The following ZNF571 variants were observed in gnomAD, a reference collection of about 807,000 sequenced individuals.
The protein encoded by ZNF571 is zinc finger protein 571.
A neutral mutation model predicts 7.7 loss-of-function variants in ZNF571; 4 were observed. The ratio of observed to expected loss-of-function variants is 0.52; its 90% CI spans 0.25 to 1.18. The LOEUF (loss-of-function observed/expected upper bound fraction) is 1.18, where lower values mean the gene tolerates loss of function less well. ZNF571 is among the 50% of genes most tolerant of loss of function. The probability of loss-of-function intolerance (pLI) is 0.14; values close to 1 mark genes in which losing one functional copy is unlikely to be tolerated. For missense variants in ZNF571, 704 were observed against 726.9 expected, an observed-to-expected ratio of 0.97 and a Z score of 0.36; for synonymous variants, 251 against 232.4, an observed-to-expected ratio of 1.08 and a Z score of -0.73.
At chr19:37,585,736 C>T (rs1346749810) in intron 2 of ZNF571, 3 of 152,092 alleles carry the variant, frequency 2.0e-5, no homozygotes, top group Non-Finnish European at 4.4e-5. Flanking sequence ...GTTACAAAAC[C>T]TATGTATACC....
chr19:37,575,282 A>G (rs997239402), intron 3 of ZNF571, among the ~76,000 whole-genome samples: 7 of 152,234 alleles, frequency 4.6e-5, no homozygotes, highest in African/African-American at 1.4e-4. Context: ...CATTGTATAT[A>G]CATGTGTAAT....
chr19:37,573,894 T>C (rs2043154671), intron 3 of ZNF571, among the ~76,000 whole-genome samples: 1 of 151,960 alleles, frequency 6.6e-6, no homozygotes, highest in Non-Finnish European at 1.5e-5. Flanking sequence ...CTGCTATTAC[T>C]ACTTTATTCA....
rs1479396840 is a variant in ZNF571, at chr19:37,591,318, G to C, written c.-70+3423C>G. Among the ~76,000 whole-genome samples the C allele has an allele frequency of 2.0e-5, 3 of 152,122 alleles. No individual in the cohort carries two copies. The East Asian group carries it at 5.8e-4, about 29-fold the overall frequency. Reference sequence around the variant, plus strand: ...AGCAAATAAGCTATCAACTCTACTAGAATCATGACAGAAAGACACAGAACT... The same window carrying C: ...AGCAAATAAGCTATCAACTCTACTACAATCATGACAGAAAGACACAGAACT... On this transcript the variant is annotated intron_variant, in intron 1 of 3. Transcript: ENST00000451802.
intron 3 of ZNF571, among the ~76,000 whole-genome samples, chr19:37,578,971 G>A (rs896904785): frequency 6.6e-6 from 1 of 151,890 alleles, no homozygotes; most frequent in Non-Finnish European, 1.5e-5. Context: ...CGCGCCACGT[G>A]CTCCGCAGCT....
At position 37,567,537 on chromosome 19, in the gene ZNF571, A is replaced by C. The variant is rs567257163; in HGVS notation, c.137-1246T>G. On this transcript the variant is annotated intron_variant, in intron 3 of 3. Transcript: ENST00000451802. Reference sequence around the variant, plus strand: ...TACCTTTTAAGCCTCAAATTGAGCCACTACTATCTTCAGAACAATGCTCTA... The same window carrying C: ...TACCTTTTAAGCCTCAAATTGAGCCCCTACTATCTTCAGAACAATGCTCTA... The C allele has an allele frequency of 2.0e-5, 3 of 152,326 alleles. No individual in the cohort carries two copies. The South Asian group carries it at 6.2e-4, about 32-fold the overall frequency. The allele number at this position is 152,326 out of a possible 1,614,324, so 9.4% of individuals were successfully genotyped here.
chr19:37,571,659 G>C (rs2043056604), intron 3 of ZNF571, among the ~76,000 whole-genome samples: 1 of 152,094 alleles, frequency 6.6e-6, no homozygotes, highest in South Asian at 2.1e-4. Flanking sequence ...CTTACCAAGG[G>C]GTTACACAGA....
intron 3 of ZNF571, among the ~76,000 whole-genome samples, chr19:37,578,036 TAGTAAAGTGTGCACAG>T (rs1379099707): frequency 2.0e-5 from 3 of 152,050 alleles, no homozygotes; most frequent in African/African-American, 7.2e-5. Flanking sequence ...TCGAACCCTA[TAGTAAAGTGTGCACAG>T]GACGGATCTA....
In ZNF571 at chr19:37,565,696, A is replaced by T. The variant is rs767535050; in HGVS notation, c.732T>A (p.Val244=). The T allele has an allele frequency of 1.5e-5, 24 of 1,613,790 alleles. No individual in the cohort carries two copies. The Admixed American group carries it at 2.0e-4, about 13-fold the overall frequency. Residue 244 remains valine (V), a synonymous_variant, in exon 4 of 4, where the codon GTT becomes GTA. Coordinates refer to ENST00000451802, the MANE Select transcript of ZNF571 (RefSeq NM_016536.5). ...RGSQLTEHQR[V]HTGEKPYECK... ...ATTCATATGGTTTCTCTCCTGTATG[A>T]ACTCTCTGATGTTCAGTGAGCTGTG...
Position 37,565,764 on chromosome 19 carries a change from G to A in ZNF571, c.664C>T (p.Pro222Ser), listed in dbSNP as rs140269526. The change falls in exon 4 of 4, where the codon CCT becomes TCT. Residue 222 changes from proline (P) to serine (S), a missense_variant. Physicochemically the swap from Pro to Ser is moderately conservative, Grantham distance 74. Transcript: ENST00000451802. ...TTCCCACATGCGTTACACTGATAAG[G>A]TTTTTCATTAGTATGAATTTTCTGA... is the stretch of plus-strand genomic sequence containing the variant. ...QHQKIHTNEK[P>S]YQCNACGKAF... is the part of the protein sequence containing the mutation. 1.6e-4 allele frequency: 266 copies of A among 1,613,552 alleles called. 1 individual carries two copies. The highest frequency in any genetic ancestry group is 2.7e-4 in the South Asian group (25 of 91,048).
intron 1 of ZNF571, among the ~76,000 whole-genome samples, chr19:37,591,327 C>G (rs572392354): frequency 6.6e-6 from 1 of 152,224 alleles, no homozygotes; most frequent in African/African-American, 2.4e-5. Flanking sequence ...AGAATCATGA[C>G]AGAAAGACAC....
intron 3 of ZNF571, among the ~76,000 whole-genome samples, chr19:37,577,806 C>A (rs1686461744): frequency 6.6e-6 from 1 of 152,160 alleles, no homozygotes; most frequent in Non-Finnish European, 1.5e-5. Context: ...CTAGTGTGCA[C>A]CACTCTCAGG....
At chr19:37,594,382 G>T (rs1346214707) in intron 1 of ZNF571, 1 of 152,340 alleles carries the variant, frequency 6.6e-6, no homozygotes, top group Non-Finnish European at 1.5e-5. Context: ...ACACGCACAC[G>T]TCCAGGGCGG....
At position 37,565,245 on chromosome 19, in the gene ZNF571, C is replaced by G. The variant is rs1437559267; in HGVS notation, c.1183G>C (p.Glu395Gln). The stretch of plus-strand genomic sequence containing the variant: ...TTAGAAATAAAGGCTTTCCCACATT[C>G]TTTGCATTTATAAGGTCTCTCACCT... ...HSGERPYKCK[E>Q]CGKAFISNSN... The change falls in exon 4 of 4, where the codon GAA (glutamate) becomes CAA (glutamine). Residue 395 changes from glutamate (E) to glutamine (Q), a missense_variant. By Grantham distance (29) the Glu-to-Gln change is conservative. Transcript: ENST00000451802. 9 of 1,612,718 alleles carry G rather than the reference C, an allele frequency of 5.6e-6. No homozygotes were observed. The highest frequency in any genetic ancestry group is 7.6e-6 in the Non-Finnish European group (9 of 1,179,584).
intron 3 of ZNF571, among the ~76,000 whole-genome samples, chr19:37,567,986 C>T (rs2042920455): frequency 6.6e-6 from 1 of 152,052 alleles, no homozygotes; most frequent in African/African-American, 2.4e-5. Context: ...GCCAAATGTT[C>T]TTATATTTCC....
chr19:37,568,760 A>C (rs1486304639), intron 3 of ZNF571, among the ~76,000 whole-genome samples: 1 of 152,152 alleles, frequency 6.6e-6, no homozygotes, highest in Non-Finnish European at 1.5e-5. Flanking sequence ...TAATGAAAAA[A>C]CTATATGGTG....
intron 3 of ZNF571, among the ~76,000 whole-genome samples, chr19:37,577,371 C>T (rs1373972750): frequency 6.6e-6 from 1 of 152,166 alleles, no homozygotes; most frequent in African/African-American, 2.4e-5. Context: ...TTGAACCAAA[C>T]CTAGCCCCAA....
chr19:37,580,690 G>A (rs1030481834), intron 3 of ZNF571, among the ~76,000 whole-genome samples: 1 of 152,050 alleles, frequency 6.6e-6, no homozygotes, highest in Non-Finnish European at 1.5e-5. Flanking sequence ...TCTCAAGGGA[G>A]CTGGTTTTTA....
At chr19:37,581,939 C>T (rs572848183) in intron 3 of ZNF571, among the ~76,000 whole-genome samples, 1 of 152,280 alleles carries the variant, frequency 6.6e-6, no homozygotes, top group African/African-American at 2.4e-5. Context: ...TCTCTCCTAC[C>T]ACCATAATTA....
rs760063144 is a variant in ZNF571, at chr19:37,565,010, T to C, written c.1418A>G (p.His473Arg). 1 of 1,613,774 alleles carries C rather than the reference T, an allele frequency of 6.2e-7. No individual in the cohort carries two copies. The highest frequency in any genetic ancestry group is 1.1e-5 in the South Asian group (1 of 91,060). Reference sequence around the variant, plus strand: ...CTTCCCACATTCCTTACATTCATAATGTTTCTCACCATGAATTTTCTCATG... The same window carrying C: ...CTTCCCACATTCCTTACATTCATAACGTTTCTCACCATGAATTTTCTCATG... The part of the protein sequence containing the change: ...TQHEKIHGEK[H>R]YECKECGKTF... Residue 473 changes from histidine to arginine, a missense_variant, in exon 4 of 4, where the codon CAT becomes CGT. Transcript: ENST00000451802.
Sources: gnomAD v4.1 joint callset for allele counts (sites outside exome capture counted in the v4.1 genomes callset) on GRCh38, gnomAD v4.1.1 for gene constraint, MANE v1.5 for transcripts, NCBI Gene and HGNC (gene_info 2026-07-23, HGNC 2026-07-21) for gene names.